The following CBR3 variants were observed in gnomAD, a reference collection of about 807,000 sequenced individuals.
The protein encoded by CBR3 is carbonyl reductase 3, also known as carbonyl reductase [NADPH] 3.
CBR3 carries 14 observed loss-of-function variants against 11.6 expected under a neutral mutation model. The ratio of observed to expected loss-of-function variants is 1.20; its 90% CI spans 0.79 to 1.88. The LOEUF (loss-of-function observed/expected upper bound fraction) is 1.88, where lower values mean the gene tolerates loss of function less well. Among genes scored for constraint, CBR3 ranks in the 40% most tolerant of loss-of-function variants. The pLI, the probability that CBR3 is intolerant of heterozygous loss-of-function variation, is 0.00. For synonymous variants in CBR3, 125 were observed against 145.6 expected, an observed-to-expected ratio of 0.86 and a Z score of 1.02; for missense variants, 308 against 357.3, an observed-to-expected ratio of 0.86 and a Z score of 1.11.
At position 36,142,437 on chromosome 21, in the gene CBR3, A is replaced by ACAAAAAAAAAAC. The variant is rs1555883307; in HGVS notation, c.398-3639_398-3638insCAAAAAAAAAAC. 6.1e-5 allele frequency among the ~76,000 whole-genome samples: 5 copies of ACAAAAAAAAAAC among 82,312 alleles called. 1 individual carries two copies. Among genetic ancestry groups the ACAAAAAAAAAAC allele is most frequent in the African/African-American group, 1.8e-4 (5 of 28,218 alleles). The allele number at this position is 82,312 out of a possible 152,430, so 54.0% of individuals were successfully genotyped here. A position where few individuals can be genotyped will look rare whatever the true frequency, so the allele number is the denominator to read the frequency against. ...ACAGAGCGAGACTCCATCTCAAAAA[A>ACAAAAAAAAAAC]AAAAAAAAAAACGCAATCCATGATC... On this transcript the variant is annotated intron_variant, in intron 2 of 2. Coordinates refer to ENST00000290354, the MANE Select transcript of CBR3 (RefSeq NM_001236.4).
chr21:36,137,676 A>C, intron 1 of CBR3, 149 bp from the exon 2 acceptor site: 1 of 604,076 alleles, frequency 1.7e-6, no homozygotes, highest in Non-Finnish European at 2.9e-6. Flanking sequence ...ATGCAGACTA[A>C]AGTTTGAGAA....
intron 1 of CBR3, among the ~76,000 whole-genome samples, chr21:36,136,423 AC>A (rs2065660566): frequency 6.6e-6 from 1 of 151,996 alleles, no homozygotes; most frequent in Non-Finnish European, 1.5e-5. Flanking sequence ...AGAAGTCTCC[AC>A]CCCTCCCTTT....
At chr21:36,142,632 A>G (rs1337818717) in intron 2 of CBR3, among the ~76,000 whole-genome samples, 1 of 152,004 alleles carries the variant, frequency 6.6e-6, no homozygotes, top group East Asian at 1.9e-4. Context: ...TTGCTACCAT[A>G]TATAATACTA....
chr21:36,137,546 GGAAGGAAGGAA>G (rs2065670746), intron 1 of CBR3, among the ~76,000 whole-genome samples: 8 of 71,710 alleles, frequency 1.1e-4, no homozygotes, highest in Admixed American at 2.5e-4. Flanking sequence ...AAGGAAGGAA[GGAAGGAAGGAA>G]GGAAAGAAAA....
chr21:36,137,989 G>C lies in CBR3; in HGVS notation c.397+57G>C, dbSNP rs1318016305. 3.3e-6 allele frequency: 3 copies of C among 919,720 alleles called. No homozygotes were observed. In the African/African-American group the frequency reaches 4.9e-5, roughly 15 times the overall value. The allele number at this position is 919,720 out of a possible 1,614,324, so 57.0% of individuals were successfully genotyped here. On this transcript the variant is annotated intron_variant, in intron 2 of 2. Coordinates refer to ENST00000290354, the MANE Select transcript of CBR3 (RefSeq NM_001236.4). ...TCCCTCAGTAAGAAGTGGGCTACAG[G>C]CTTCCCGGAGCAGGGCTACCCTGCA...
At position 36,140,802 on chromosome 21, in the gene CBR3, T is replaced by A. The variant is rs2065701833; in HGVS notation, c.397+2870T>A. ...GCAGGCAGACCACGAGGTCAGGAGA[T>A]CGAGACCATCCTGGCTAACACGGTG... On this transcript the variant is annotated intron_variant, in intron 2 of 2. Coordinates refer to ENST00000290354, the MANE Select transcript of CBR3 (RefSeq NM_001236.4). Among the ~76,000 whole-genome samples the A allele has an allele frequency of 3.9e-5, 6 of 152,032 alleles. No individual in the cohort carries two copies. In the South Asian group the frequency reaches 1.2e-3, roughly 32 times the overall value.
chr21:36,143,483 T>C (rs1463110898), intron 2 of CBR3, among the ~76,000 whole-genome samples: 1 of 152,176 alleles, frequency 6.6e-6, no homozygotes, highest in Non-Finnish European at 1.5e-5. Context: ...ACATATTTGT[T>C]TCTATGGGCA....
Position 36,135,340 on chromosome 21 carries a change from C to T in CBR3, c.148C>T (p.Leu50=). The T allele has an allele frequency of 1.2e-6, 2 of 1,612,454 alleles. No homozygotes were observed. The highest frequency in any genetic ancestry group is 1.7e-6 in the Non-Finnish European group (2 of 1,179,690). ...VARGQAAVQQ[L]QAEGLSPRFH... is the part of the protein sequence containing the mutation. ...GCGGGGCCAGGCGGCCGTGCAGCAG[C>T]TGCAGGCGGAGGGCCTGAGCCCGCG... Residue 50 remains leucine (L), a synonymous_variant, in exon 1 of 3, where the codon CTG becomes TTG. Transcript: ENST00000290354.
chr21:36,143,408 T>A (rs1216224580), intron 2 of CBR3, among the ~76,000 whole-genome samples: 1 of 152,204 alleles, frequency 6.6e-6, no homozygotes, highest in East Asian at 1.9e-4. Flanking sequence ...ATGAAATGTG[T>A]AAATTAACAC....
At position 36,146,056 on chromosome 21, in the gene CBR3, T is replaced by C. The variant is rs1366348798; in HGVS notation, c.398-20T>C. ...TGTACCTCTGTGATATGCTTTCATA[T>C]ATTTATCATTCTGTTTCAGGGAGAG... On this transcript the variant is annotated intron_variant, in intron 2 of 2. Coordinates refer to ENST00000290354, the MANE Select transcript of CBR3 (RefSeq NM_001236.4). The C allele has an allele frequency of 6.4e-7, 1 of 1,551,840 alleles. No homozygotes were observed. The highest frequency in any genetic ancestry group is 8.9e-7 in the Non-Finnish European group (1 of 1,126,784).
chr21:36,146,534 G>C lies in CBR3; in HGVS notation c.*22G>C, dbSNP rs2065757479. 1.9e-6 allele frequency: 3 copies of C among 1,551,318 alleles called. No individual in the cohort carries two copies. Among genetic ancestry groups the C allele is most frequent in the Non-Finnish European group, 2.6e-6 (3 of 1,145,422 alleles). On this transcript the variant is annotated 3_prime_UTR_variant, in exon 3 of 3. Transcript: ENST00000290354. ...GTAAACGTCTGCTTCGGAGCTTGCT[G>C]CTTAATAAATGTTGGTGGAATGAAT...
intron 2 of CBR3, chr21:36,141,986 A>G (rs765028018): frequency 5.4e-5 from 48 of 892,754 alleles, no homozygotes; most frequent in Non-Finnish European, 6.3e-5. Flanking sequence ...TCACTGATGT[A>G]GTATTCCTGG....
Position 36,142,431 on chromosome 21 carries a change from C to CAAAAAAAAAAAAACAAAAAAAA in CBR3, c.398-3632_398-3631insCAAAAAAAAAAAAAAAAAAAAA, listed in dbSNP as rs1555883285. On this transcript the variant is annotated intron_variant, in intron 2 of 2. Transcript: ENST00000290354. ...TAGGTGACAGAGCGAGACTCCATCT[C>CAAAAAAAAAAAAACAAAAAAAA]AAAAAAAAAAAAAAAAACGCAATCC... 1.9e-3 allele frequency among the ~76,000 whole-genome samples: 78 copies of CAAAAAAAAAAAAACAAAAAAAA among 40,400 alleles called. 9 individuals carry two copies. The highest frequency in any genetic ancestry group is 8.8e-3 in the African/African-American group (78 of 8,850). 26.5% of individuals were successfully genotyped at this position (40,400 alleles called of 152,430 possible).
At chr21:36,143,879 CA>C (rs35169663) in intron 2 of CBR3, among the ~76,000 whole-genome samples, 8,787 of 91,954 alleles carry the variant, frequency 0.096, 874 homozygotes, top group African/African-American at 0.33. Flanking sequence ...GATTCTGTCT[CA>C]AAAAAAAAAA....
At chr21:36,137,112 G>A (rs1327943335) in intron 1 of CBR3, 1 of 151,486 alleles carries the variant, frequency 6.6e-6, no homozygotes, top group Non-Finnish European at 1.5e-5. Context: ...TTAAGAAGTG[G>A]TAGTCAAAGC....
chr21:36,135,553 C>T, intron 1 of CBR3, 72 bp downstream of exon 1: 1 of 1,396,182 alleles, frequency 7.2e-7, no homozygotes, highest in Non-Finnish European at 9.6e-7. Context: ...CGCAGGCTCC[C>T]CACCCGTCCA....
chr21:36,135,728 G>A, intron 1 of CBR3: 2 of 466,794 alleles, frequency 4.3e-6, no homozygotes, highest in Non-Finnish European at 3.8e-6. Context: ...GCGGCCCGGG[G>A]CCCTCCCCGA....
intron 1 of CBR3, among the ~76,000 whole-genome samples, chr21:36,136,152 T>C (rs2065658359): frequency 6.6e-6 from 1 of 151,998 alleles, no homozygotes; most frequent in Non-Finnish European, 1.5e-5. Context: ...TTATTCTAAC[T>C]ACTACTGAAG....
At chr21:36,141,428 T>C (rs1339073371) in intron 2 of CBR3, 1 of 152,186 alleles carries the variant, frequency 6.6e-6, no homozygotes. Flanking sequence ...ATGTAATTTA[T>C]TGAATCTGTA....
Sources: allele counts gnomAD v4.1 joint callset (sites outside exome capture counted in the v4.1 genomes callset), GRCh38; gene constraint gnomAD v4.1.1; transcripts MANE v1.5; gene names NCBI Gene and HGNC (gene_info 2026-07-23, HGNC 2026-07-21).